CLYBL: variants seen among roughly 807,000 people sequenced by gnomAD.
CLYBL encodes citramalyl-CoA lyase, mitochondrial.
A neutral mutation model predicts 38.9 loss-of-function variants in CLYBL; 31 were observed. That is an observed-to-expected ratio of 0.80 (90% CI 0.60 to 1.08). CLYBL has a LOEUF of 1.08. Among genes scored for constraint, CLYBL ranks in the 50% least tolerant of loss-of-function variants. The probability of loss-of-function intolerance (pLI) is 0.00; values close to 1 mark genes in which losing one functional copy is unlikely to be tolerated. For synonymous variants in CLYBL, 171 were observed against 158.6 expected (o/e 1.08, Z -0.59); for missense variants, 434 against 411.6 (o/e 1.05, Z -0.47).
At chr13:99,636,275 G>A (rs1030851917) in intron 1 of CLYBL, among the ~76,000 whole-genome samples, 1 of 152,144 alleles carries the variant, frequency 6.6e-6, no homozygotes, top group African/African-American at 2.4e-5. Context: ...GCTCACCCTT[G>A]CTGCAGATCA....
At chr13:99,608,847 CTTTTTTTTTTTTTTTTTTTT>C (rs57961216) in intron 1 of CLYBL, among the ~76,000 whole-genome samples, 1 of 87,886 alleles carries the variant, frequency 1.1e-5, no homozygotes, top group Admixed American at 1.3e-4. Context: ...AGTGATGAGT[CTTTTTTTTTTTTTTTTTTTT>C]TTTTTTTTTG....
At chr13:99,658,552 A>G (rs1265968769) in intron 1 of CLYBL, among the ~76,000 whole-genome samples, 1 of 152,098 alleles carries the variant, frequency 6.6e-6, no homozygotes, top group Non-Finnish European at 1.5e-5. Flanking sequence ...CTGCGCTTTG[A>G]AACCGCGGAG....
chr13:99,755,931 C>A (rs1366268927), intron 1 of CLYBL, among the ~76,000 whole-genome samples: 1 of 152,224 alleles, frequency 6.6e-6, no homozygotes, highest in African/African-American at 2.4e-5. Flanking sequence ...GACTTCACTT[C>A]AAATCCCCCA....
intron 1 of CLYBL, among the ~76,000 whole-genome samples, chr13:99,716,782 C>CTTTT (rs2048322142): frequency 7.8e-6 from 1 of 128,340 alleles, no homozygotes; most frequent in African/African-American, 3.0e-5. Context: ...AATTTCTTTT[C>CTTTT]TTTTCTTTTT....
chr13:99,832,668 G>C (rs1226220262), intron 2 of CLYBL, among the ~76,000 whole-genome samples: 1 of 152,058 alleles, frequency 6.6e-6, no homozygotes, highest in Non-Finnish European at 1.5e-5. Context: ...CATCCCTTAA[G>C]TGGACTGGGC....
chr13:99,815,973 G>A (rs1398877787), intron 2 of CLYBL, among the ~76,000 whole-genome samples: 2 of 152,122 alleles, frequency 1.3e-5, no homozygotes, highest in Non-Finnish European at 2.9e-5. Flanking sequence ...TTTTGTATAG[G>A]TACAGTTATC....
intron 1 of CLYBL, among the ~76,000 whole-genome samples, chr13:99,743,032 TTTTTTCTTTTTC>T (rs1041068362): frequency 1.1e-4 from 17 of 152,042 alleles, no homozygotes; most frequent in Non-Finnish European, 2.2e-4. Flanking sequence ...GGGTTCGGGT[TTTTTTCTTTTTC>T]TTTTTCTTTT....
intron 2 of CLYBL, among the ~76,000 whole-genome samples, chr13:99,852,084 G>GT (rs1181778621): frequency 6.6e-6 from 1 of 152,230 alleles, no homozygotes; most frequent in African/African-American, 2.4e-5. Flanking sequence ...GGCAGTCAGA[G>GT]AAGACTACCT....
At chr13:99,621,173 T>C (rs1016410605) in intron 1 of CLYBL, among the ~76,000 whole-genome samples, 16 of 152,212 alleles carry the variant, frequency 1.1e-4, no homozygotes, top group Non-Finnish European at 1.5e-4. Context: ...CGCTGTACTC[T>C]GATCATGGTG....
At chr13:99,827,370 G>C (rs1301418728) in intron 2 of CLYBL, among the ~76,000 whole-genome samples, 1 of 152,136 alleles carries the variant, frequency 6.6e-6, no homozygotes, top group African/African-American at 2.4e-5. Flanking sequence ...TCCCTTAATG[G>C]TAATCCTCCA....
intron 1 of CLYBL, among the ~76,000 whole-genome samples, chr13:99,768,974 T>G (rs977134228): frequency 6.6e-6 from 1 of 152,146 alleles, no homozygotes; most frequent in African/African-American, 2.4e-5. Context: ...TTAAATTACC[T>G]GGAGGTCACT....
In CLYBL at chr13:99,889,432, C is replaced by T. The variant is rs561399713; in HGVS notation, c.928-1886C>T. Among the ~76,000 whole-genome samples the T allele has an allele frequency of 4.6e-5, 7 of 152,308 alleles. No individual in the cohort carries two copies. The South Asian group carries it at 1.5e-3, about 32-fold the overall frequency. On this transcript the variant is annotated intron_variant, in intron 7 of 8. Coordinates refer to ENST00000339105, the MANE Select transcript of CLYBL (RefSeq NM_206808.5). ...ACGTAACGCCAACCTACAGGACCACCTCGGAACTTCCAACCAAATTAGGAA... is the reference window on the plus strand; with the variant it reads ...ACGTAACGCCAACCTACAGGACCACTTCGGAACTTCCAACCAAATTAGGAA...
intron 2 of CLYBL, among the ~76,000 whole-genome samples, chr13:99,852,723 G>T (rs963389718): frequency 5.9e-4 from 49 of 83,378 alleles, no homozygotes; most frequent in African/African-American, 2.4e-3. Context: ...GTGTTTTAGG[G>T]TGCTTTCCCC....
At chr13:99,886,729 T>C (rs897391141) in intron 7 of CLYBL, among the ~76,000 whole-genome samples, 8 of 152,246 alleles carry the variant, frequency 5.3e-5, no homozygotes, top group African/African-American at 1.9e-4. Flanking sequence ...AAGATGGCCC[T>C]GATTGGGAAG....
chr13:99,845,652 G>T (rs552862787), intron 2 of CLYBL, among the ~76,000 whole-genome samples: 3 of 152,260 alleles, frequency 2.0e-5, no homozygotes, highest in African/African-American at 7.2e-5. Context: ...GTGACATGAC[G>T]CAGGCTCTGC....
intron 1 of CLYBL, among the ~76,000 whole-genome samples, chr13:99,689,727 C>A (rs2047871896): frequency 1.3e-5 from 2 of 152,112 alleles, no homozygotes; most frequent in Non-Finnish European, 2.9e-5. Context: ...AATTTTTATC[C>A]ATCACAGAAC....
At chr13:99,852,430 G>A (rs1394461101) in intron 2 of CLYBL, among the ~76,000 whole-genome samples, 1 of 152,134 alleles carries the variant, frequency 6.6e-6, no homozygotes, top group African/African-American at 2.4e-5. Context: ...TTGTGGTAAT[G>A]GCTGTACAAC....
intron 1 of CLYBL, among the ~76,000 whole-genome samples, chr13:99,620,794 A>AAGAAAG: frequency 6.8e-6 from 1 of 147,986 alleles, no homozygotes; most frequent in African/African-American, 2.5e-5. Flanking sequence ...AAGAAAGAAA[A>AAGAAAG]AGAGAGAGAG....
intron 1 of CLYBL, among the ~76,000 whole-genome samples, chr13:99,729,487 T>G (rs1594144125): frequency 6.6e-6 from 1 of 152,260 alleles, no homozygotes; most frequent in East Asian, 1.9e-4. Flanking sequence ...TGTGTGCCTT[T>G]GGATCTGCTT....
Sources: allele counts gnomAD v4.1 joint callset (sites outside exome capture counted in the v4.1 genomes callset), GRCh38; gene constraint gnomAD v4.1.1; transcripts MANE v1.5; gene names NCBI Gene and HGNC (gene_info 2026-07-23, HGNC 2026-07-21).